The following SMYD4 variants were observed in gnomAD, a reference collection of about 807,000 sequenced individuals.
The protein encoded by SMYD4 is protein-lysine N-methyltransferase SMYD4.
SMYD4 carries 68 observed loss-of-function variants against 72.8 expected under a neutral mutation model. That is an observed-to-expected ratio of 0.93 (90% CI 0.77 to 1.14). The LOEUF (loss-of-function observed/expected upper bound fraction) is 1.14. Ranked by LOEUF, SMYD4 falls within the 50% of genes most tolerant of loss-of-function variation. The pLI is 0.00. For missense variants in SMYD4, 984 were observed against 1,003.7 expected, an observed-to-expected ratio of 0.98 and a Z score of 0.27; for synonymous variants, 407 against 388.6, an observed-to-expected ratio of 1.05 and a Z score of -0.56.
chr17:1,786,579 C>T (rs954988354), intron 7 of SMYD4, among the ~76,000 whole-genome samples: 4 of 152,202 alleles, frequency 2.6e-5, no homozygotes, highest in Non-Finnish European at 4.4e-5. Flanking sequence ...GATCCCAAAC[C>T]AGTTCAGATG....
Position 1,783,118 on chromosome 17 carries a change from G to C in SMYD4, c.2178C>G (p.Leu726=), listed in dbSNP as rs758125009. 5.0e-6 allele frequency: 8 copies of C among 1,614,058 alleles called. No homozygotes were observed. The highest frequency in any genetic ancestry group is 6.8e-6 in the Non-Finnish European group (8 of 1,180,038). The change falls in exon 10 of 11, where the codon CTC becomes CTG. Residue 726 remains leucine, a synonymous_variant. Coordinates refer to ENST00000305513, the MANE Select transcript of SMYD4 (RefSeq NM_052928.3). The stretch of plus-strand genomic sequence containing the variant: ...GCCCGTGGCGAACCTCCACCACGTA[G>C]AGACTCCTCTGTAGATGGGTGGCTG... ...QKSATHLQRS[L]YVVEVRHGPS...
chr17:1,824,517 C>T (rs1911058592), intron 2 of SMYD4, among the ~76,000 whole-genome samples: 1 of 152,036 alleles, frequency 6.6e-6, no homozygotes, highest in South Asian at 2.1e-4. Flanking sequence ...CCTGTGTTGT[C>T]GGAGGGACCT....
At position 1,786,723 on chromosome 17, in the gene SMYD4, C is replaced by A. The variant is rs868628772; in HGVS notation, c.1884+87G>T. 190 of 1,535,588 alleles carry A rather than the reference C, an allele frequency of 1.2e-4. 5 individuals carry two copies. The South Asian group carries it at 2.2e-3, about 17-fold the overall frequency. ...TTACTGGTCTCAGCACTTACAAGTC[C>A]CTGATGGCTTCCTCCTAAACACTGA... is the stretch of plus-strand genomic sequence containing the variant. On this transcript the variant is annotated intron_variant, in intron 7 of 10. Transcript: ENST00000305513.
intron 1 of SMYD4, among the ~76,000 whole-genome samples, chr17:1,828,330 G>A (rs1006514557): frequency 6.7e-6 from 1 of 148,530 alleles, no homozygotes; most frequent in Non-Finnish European, 1.5e-5. Context: ...CAGCCTGGGT[G>A]ACAGAGCAAG....
rs768230877 is a variant in SMYD4, at chr17:1,783,380, G to T, written c.2117C>A (p.Ala706Asp). ...AVVGEIADGL[A>D]RACAALGDWQ... ...TGTACCTAAGGCAGCACAGGCCCGG[G>T]CCAGGCCATCCGCGATCTCTCCCAC... Residue 706 changes from alanine to aspartate, a missense_variant, in exon 9 of 11, where the codon GCC becomes GAC. Transcript: ENST00000305513. 6 of 1,612,428 alleles carry T rather than the reference G, an allele frequency of 3.7e-6. No homozygotes were observed. The South Asian group carries it at 5.5e-5, about 15-fold the overall frequency.
chr17:1,805,332 G>A (rs1909979088), intron 3 of SMYD4, among the ~76,000 whole-genome samples: 4 of 151,962 alleles, frequency 2.6e-5, no homozygotes, highest in Admixed American at 2.6e-4. Context: ...GCATGAGAAT[G>A]GCTTGAACCT....
chr17:1,787,084 A>G (rs1310286057), intron 6 of SMYD4, 111 bp from the exon 7 acceptor site: 19 of 1,330,784 alleles, frequency 1.4e-5, no homozygotes, highest in Non-Finnish European at 1.7e-5. Context: ...TGTGACAGCT[A>G]ACCTTTACCC....
chr17:1,807,879 G>A lies in SMYD4; in HGVS notation c.280-3164C>T, dbSNP rs138875265. Among the ~76,000 whole-genome samples, 264 of 152,152 alleles carry A rather than the reference G, an allele frequency of 1.7e-3. 1 individual carries two copies. The highest frequency in any genetic ancestry group is 5.3e-3 in the African/African-American group (219 of 41,492). On this transcript the variant is annotated intron_variant, in intron 3 of 10. Coordinates refer to ENST00000305513, the MANE Select transcript of SMYD4 (RefSeq NM_052928.3). ...GGGAACAGAAAATCATGTGGTCAGG[G>A]GACAGGAGAGGCAGATGACGCTGGA...
intron 2 of SMYD4, among the ~76,000 whole-genome samples, chr17:1,825,299 T>C (rs962612560): frequency 1.3e-5 from 2 of 152,306 alleles, no homozygotes; most frequent in African/African-American, 2.4e-5. Flanking sequence ...ACATACATCA[T>C]AACATAATGT....
chr17:1,812,601 T>A (rs746110494), intron 2 of SMYD4, among the ~76,000 whole-genome samples: 42 of 136,918 alleles, frequency 3.1e-4, no homozygotes, highest in Non-Finnish European at 5.5e-4. Context: ...CAGGCTGGAG[T>A]GCAGAATCAT....
intron 5 of SMYD4, among the ~76,000 whole-genome samples, chr17:1,792,463 C>A (rs193114239): frequency 6.6e-6 from 1 of 152,050 alleles, no homozygotes; most frequent in Admixed American, 6.5e-5. Context: ...CTTGCTAACA[C>A]GGTGAAACCC....
intron 7 of SMYD4, among the ~76,000 whole-genome samples, chr17:1,785,776 G>GAAAAAAAAGA (rs1908654049): frequency 3.6e-4 from 5 of 13,908 alleles, no homozygotes; most frequent in African/African-American, 1.3e-3. Flanking sequence ...AAAAAAAAAA[G>GAAAAAAAAGA]AAAAAAAAAA....
chr17:1,798,635 T>C (rs1278954356), intron 5 of SMYD4, among the ~76,000 whole-genome samples: 2 of 152,066 alleles, frequency 1.3e-5, no homozygotes, highest in Non-Finnish European at 2.9e-5. Context: ...CAGTGGCTCA[T>C]GCCTGTAATC....
At position 1,800,321 on chromosome 17, in the gene SMYD4, A is replaced by C; in HGVS notation, c.1073T>G (p.Val358Gly). ...CHIALRLTLL[V>G]GFEDVRKIIT... ...GATTTTGCGAACATCCTCAAATCCC[A>C]CCAAAAGAGTCAACCTCAGGGCAAT... Residue 358 changes from valine (V) to glycine (G), a missense_variant, in exon 5 of 11, where the codon GTG (valine) becomes GGG (glycine). Coordinates refer to ENST00000305513, the MANE Select transcript of SMYD4 (RefSeq NM_052928.3). 5 of 1,614,116 alleles carry C rather than the reference A, an allele frequency of 3.1e-6. No homozygotes were observed. Among genetic ancestry groups the C allele is most frequent in the Non-Finnish European group, 4.2e-6 (5 of 1,180,040 alleles).
intron 6 of SMYD4, 72 bp from the exon 7 acceptor site, chr17:1,787,045 T>C: frequency 1.3e-6 from 2 of 1,560,714 alleles, no homozygotes; most frequent in Non-Finnish European, 1.7e-6. Context: ...ACCTTCAGCT[T>C]AGCAGAGGGT....
In SMYD4 at chr17:1,799,040, G is replaced by T. The variant is rs533121185; in HGVS notation, c.1537+817C>A. Among the ~76,000 whole-genome samples, 2 of 152,074 alleles carry T rather than the reference G, an allele frequency of 1.3e-5. 1 individual carries two copies. The highest frequency in any genetic ancestry group is 2.9e-5 in the Non-Finnish European group (2 of 67,998). ...TAATCCCAGCACTTTGGGAGGCTGA[G>T]GCGGGCGGATCACGAGGTCAGGAGA... On this transcript the variant is annotated intron_variant, in intron 5 of 10. Transcript: ENST00000305513.
intron 5 of SMYD4, among the ~76,000 whole-genome samples, chr17:1,794,049 A>G (rs78198574): frequency 2.1e-5 from 1 of 48,150 alleles, no homozygotes; most frequent in South Asian, 4.9e-4. Flanking sequence ...ATGTATATAT[A>G]TATGTGTGTA....
At chr17:1,783,692 C>G (rs1908501430) in intron 8 of SMYD4, 1 of 690,564 alleles carries the variant, frequency 1.4e-6, no homozygotes, top group South Asian at 2.0e-5. Flanking sequence ...GAGGCCTCCC[C>G]ACATTTACAC....
In SMYD4 at chr17:1,783,029, A is replaced by C. The variant is rs1014608151; in HGVS notation, c.2261+6T>G. ...GTGTGCCCTGTGAAGTGGGAAAGGG[A>C]CTCACCCGTTGAAAAAGATCTGGGC... On this transcript the variant is annotated splice_donor_region_variant and intron_variant, in intron 10 of 10. Coordinates refer to ENST00000305513, the MANE Select transcript of SMYD4 (RefSeq NM_052928.3). The C allele has an allele frequency of 2.5e-6, 4 of 1,613,482 alleles. No homozygotes were observed. In the African/African-American group the frequency reaches 4.0e-5, roughly 16 times the overall value.
Sources: allele counts gnomAD v4.1 joint callset (sites outside exome capture counted in the v4.1 genomes callset), GRCh38; gene constraint gnomAD v4.1.1; transcripts MANE v1.5; gene names NCBI Gene and HGNC (gene_info 2026-07-23, HGNC 2026-07-21).